The following ETV1 variants were observed in gnomAD, a reference collection of about 807,000 sequenced individuals.
ETV1 encodes the protein ETS variant transcription factor 1, also known as ETS translocation variant 1.
In ETV1, 27 loss-of-function variants were observed where a neutral mutation model predicts 62.3. That is an observed-to-expected ratio of 0.43 (90% CI 0.32 to 0.60). The LOEUF (loss-of-function observed/expected upper bound fraction) is 0.60, where lower values mean the gene tolerates loss of function less well. Ranked by LOEUF, ETV1 falls within the 20% of genes least tolerant of loss-of-function variation. ETV1 has a pLI of 0.06. For synonymous variants in ETV1, 222 were observed against 199.6 expected (o/e 1.11, Z -0.94); for missense variants, 605 against 605.8 (o/e 1.00, Z 0.01).
chr7:13,976,796 T>C (rs761676065), intron 6 of ETV1, among the ~76,000 whole-genome samples: 1 of 152,142 alleles, frequency 6.6e-6, no homozygotes, highest in Non-Finnish European at 1.5e-5. Flanking sequence ...CATCACTCCT[T>C]GCGCATTCTC....
intron 9 of ETV1, among the ~76,000 whole-genome samples, chr7:13,923,078 G>A (rs1357202356): frequency 6.6e-6 from 1 of 152,106 alleles, no homozygotes; most frequent in Non-Finnish European, 1.5e-5. Context: ...TCTGAATGTT[G>A]TTATTTTTTT....
At position 13,989,463 on chromosome 7, in the gene ETV1, G is replaced by A. The variant is rs565529707; in HGVS notation, c.-283C>T. The A allele has an allele frequency of 1.0e-4, 41 of 408,062 alleles. No individual in the cohort carries two copies. Among genetic ancestry groups the A allele is most frequent in the Non-Finnish European group, 1.5e-4 (35 of 232,184 alleles). 25.3% of individuals were successfully genotyped at this position (408,062 alleles called of 1,614,324 possible). On this transcript the variant is annotated splice_region_variant and 5_prime_UTR_variant, in exon 2 of 14. Coordinates refer to ENST00000430479, the MANE Select transcript of ETV1 (RefSeq NM_004956.5). The stretch of plus-strand genomic sequence containing the variant: ...ACGAGACTTGCTTTGCACCTAACGG[G>A]ACTAAAGAGACGGAGACACCTCTTT...
At chr7:13,944,289 T>G (rs964960850) in intron 6 of ETV1, among the ~76,000 whole-genome samples, 4 of 152,216 alleles carry the variant, frequency 2.6e-5, no homozygotes, top group Non-Finnish European at 5.9e-5. Context: ...TGCTCACAGT[T>G]CTGGAAGCTG....
intron 5 of ETV1, among the ~76,000 whole-genome samples, chr7:13,980,282 T>C (rs1781852581): frequency 1.3e-5 from 2 of 152,234 alleles, no homozygotes; most frequent in South Asian, 2.1e-4. Flanking sequence ...AAAACACAAG[T>C]TGGATCTAGG....
At chr7:13,956,148 A>G (rs1789425850) in intron 6 of ETV1, among the ~76,000 whole-genome samples, 1 of 152,222 alleles carries the variant, frequency 6.6e-6, no homozygotes, top group African/African-American at 2.4e-5. Context: ...AGCCGAAAAT[A>G]TAAAATCAAG....
rs745977057 is a variant in ETV1 at position 13,989,288 on chromosome 7, C to A, written c.-108G>T. ...TTCACCTGGATCCAAAGAGAGCCAACAGAGTTCACAATTTACATATTTTCG... is the reference window on the plus strand; with the variant it reads ...TTCACCTGGATCCAAAGAGAGCCAAAAGAGTTCACAATTTACATATTTTCG... On this transcript the variant is annotated 5_prime_UTR_variant, in exon 2 of 14. Coordinates refer to ENST00000430479, the MANE Select transcript of ETV1 (RefSeq NM_004956.5). 1.2e-4 allele frequency: 62 copies of A among 518,016 alleles called. No homozygotes were observed. The highest frequency in any genetic ancestry group is 2.0e-4 in the Non-Finnish European group (58 of 295,206). 32.1% of individuals were successfully genotyped at this position (518,016 alleles called of 1,614,324 possible). A position where few individuals can be genotyped will look rare whatever the true frequency, so the allele number is the denominator to read the frequency against.
chr7:13,970,263 A>AACACACACACACACAC lies in ETV1; in HGVS notation c.235+7148_235+7163dup, dbSNP rs71033966. ...GCGACAGAGCGAGACCCCATCTCAA[A>AACACACACACACACAC]ACACACACACACACACACACACACA... On this transcript the variant is annotated intron_variant, in intron 6 of 13. Coordinates refer to ENST00000430479, the MANE Select transcript of ETV1 (RefSeq NM_004956.5). Among the ~76,000 whole-genome samples, 68 of 126,654 alleles carry AACACACACACACACAC rather than the reference A, an allele frequency of 5.4e-4. 1 individual carries two copies. The highest frequency in any genetic ancestry group is 1.7e-3 in the African/African-American group (53 of 31,780). 83.1% of individuals were successfully genotyped at this position (126,654 alleles called of 152,430 possible).
chr7:13,943,663 C>A (rs1787815916), intron 6 of ETV1, among the ~76,000 whole-genome samples: 1 of 151,908 alleles, frequency 6.6e-6, no homozygotes, highest in African/African-American at 2.4e-5. Context: ...CATATGCATA[C>A]AATGGAATGA....
intron 9 of ETV1, among the ~76,000 whole-genome samples, chr7:13,929,249 C>A (rs993041463): frequency 6.6e-6 from 1 of 152,166 alleles, no homozygotes; most frequent in African/African-American, 2.4e-5. Flanking sequence ...AGGTTCTAAA[C>A]TGAAACCACA....
chr7:13,951,683 A>AGT (rs1788831542), intron 6 of ETV1, among the ~76,000 whole-genome samples: 1 of 152,162 alleles, frequency 6.6e-6, no homozygotes, highest in Admixed American at 6.5e-5. Flanking sequence ...AAGCTAGGTA[A>AGT]CCTTTGTGTT....
intron 8 of ETV1, among the ~76,000 whole-genome samples, chr7:13,934,246 A>G (rs1371336292): frequency 6.6e-6 from 1 of 152,250 alleles, no homozygotes; most frequent in South Asian, 2.1e-4. Context: ...GATAATAGGA[A>G]GCATTTAATA....
chr7:13,904,221 T>G (rs576952071), intron 12 of ETV1, among the ~76,000 whole-genome samples: 1 of 152,356 alleles, frequency 6.6e-6, no homozygotes, highest in East Asian at 1.9e-4. Flanking sequence ...TGTTTCATTT[T>G]GAACAAAAGC....
chr7:13,964,527 C>T (rs918987222), intron 6 of ETV1, among the ~76,000 whole-genome samples: 3 of 151,930 alleles, frequency 2.0e-5, no homozygotes, highest in East Asian at 1.9e-4. Flanking sequence ...TGTGAAAAAT[C>T]GACATAATAC....
At chr7:13,905,779 CCA>C (rs1385231654) in intron 12 of ETV1, among the ~76,000 whole-genome samples, 37 of 152,150 alleles carry the variant, frequency 2.4e-4, no homozygotes, top group Admixed American at 7.9e-4. Context: ...AAACTTCATC[CCA>C]ACCTTCCAAT....
At chr7:13,910,794 C>A (rs1014179814) in intron 10 of ETV1, among the ~76,000 whole-genome samples, 1 of 152,176 alleles carries the variant, frequency 6.6e-6, no homozygotes, top group Non-Finnish European at 1.5e-5. Flanking sequence ...TATGTGAAAT[C>A]TCATTCATAT....
At chr7:13,961,146 AAAAAAAAAAG>A (rs201532913) in intron 6 of ETV1, among the ~76,000 whole-genome samples, 4,164 of 114,716 alleles carry the variant, frequency 0.036, 149 homozygotes, top group African/African-American at 0.14. Flanking sequence ...ACCTCATCTC[AAAAAAAAAAG>A]AAAAAAAAGA....
intron 6 of ETV1, among the ~76,000 whole-genome samples, chr7:13,948,451 T>G (rs956576240): frequency 3.3e-5 from 5 of 152,210 alleles, no homozygotes; most frequent in Non-Finnish European, 4.4e-5. Context: ...CTCTTTATTT[T>G]GAGGTTGCGT....
chr7:13,928,571 G>C (rs955721221), intron 9 of ETV1, among the ~76,000 whole-genome samples: 1 of 151,874 alleles, frequency 6.6e-6, no homozygotes, highest in Non-Finnish European at 1.5e-5. Context: ...CCGAGATCGT[G>C]CCACTGCACT....
intron 6 of ETV1, among the ~76,000 whole-genome samples, chr7:13,957,784 T>C (rs1198760496): frequency 6.6e-6 from 1 of 152,334 alleles, no homozygotes; most frequent in East Asian, 1.9e-4. Flanking sequence ...TTGTAATTGA[T>C]AGTTCCAAAA....
Sources: allele counts gnomAD v4.1 joint callset (sites outside exome capture counted in the v4.1 genomes callset), GRCh38; gene constraint gnomAD v4.1.1; transcripts MANE v1.5; gene names NCBI Gene and HGNC (gene_info 2026-07-23, HGNC 2026-07-21).